The following PHLPP2 variants were observed in gnomAD, a reference collection of about 807,000 sequenced individuals.
PHLPP2 encodes the protein PH domain leucine-rich repeat-containing protein phosphatase 2.
Under a neutral mutation model 124.9 loss-of-function variants are expected in PHLPP2, and 66 were observed. The observed-to-expected ratio is 0.53, with a 90% CI of 0.43 to 0.65. The LOEUF (loss-of-function observed/expected upper bound fraction) is 0.65, where lower values mean the gene tolerates loss of function less well. Among genes scored for constraint, PHLPP2 ranks in the 30% least tolerant of loss-of-function variants. PHLPP2 has a pLI of 0.00. For missense variants in PHLPP2, 1,685 were observed against 1,600.4 expected (o/e 1.05, Z -0.90); for synonymous variants, 681 against 624.7 (o/e 1.09, Z -1.34).
chr16:71,672,430 T>C (rs952536247), intron 9 of PHLPP2, 108 bp from the exon 10 acceptor site: 3 of 785,632 alleles, frequency 3.8e-6, no homozygotes, highest in South Asian at 3.0e-5. Flanking sequence ...AAAACTGATG[T>C]ATTCTACCAA....
At chr16:71,697,496 ATT>A (rs2045184714) in intron 3 of PHLPP2, among the ~76,000 whole-genome samples, 1 of 152,180 alleles carries the variant, frequency 6.6e-6, no homozygotes, top group Non-Finnish European at 1.5e-5. Flanking sequence ...GAAAGAACAG[ATT>A]TTGATAAACA....
chr16:71,662,438 A>T (rs1264916590), intron 13 of PHLPP2, among the ~76,000 whole-genome samples: 2 of 151,786 alleles, frequency 1.3e-5, no homozygotes, highest in Non-Finnish European at 2.9e-5. Flanking sequence ...TCAAATAAAT[A>T]AATAAATAAA....
intron 11 of PHLPP2, among the ~76,000 whole-genome samples, chr16:71,668,576 A>G (rs968819809): frequency 6.6e-6 from 1 of 152,096 alleles, no homozygotes; most frequent in Non-Finnish European, 1.5e-5. Flanking sequence ...AGTGTGGCCA[A>G]TATAGCAAAG....
Position 71,676,719 on chromosome 16 carries a change from A to T in PHLPP2, c.1269-70T>A, listed in dbSNP as rs796529571. 8 of 1,161,204 alleles carry T rather than the reference A, an allele frequency of 6.9e-6. 1 individual carries two copies. In the African/African-American group the frequency reaches 1.1e-4, roughly 16 times the overall value. The allele number at this position is 1,161,204 out of a possible 1,614,324, so 71.9% of individuals were successfully genotyped here. A position where few individuals can be genotyped will look rare whatever the true frequency, so the allele number is the denominator to read the frequency against. On this transcript the variant is annotated intron_variant, in intron 8 of 18. Coordinates refer to ENST00000568954, the MANE Select transcript of PHLPP2 (RefSeq NM_015020.3). ...TAAATGTGCTTACCAGAATAAAAAT[A>T]AAAAATAGGACAGGTATGATCCCTT...
intron 3 of PHLPP2, among the ~76,000 whole-genome samples, chr16:71,701,180 C>G (rs750763677): frequency 6.6e-5 from 10 of 152,230 alleles, no homozygotes; most frequent in Non-Finnish European, 1.3e-4. Context: ...TTCTGGCCCA[C>G]AAAAACTATA....
At chr16:71,699,737 A>G (rs902633944) in intron 3 of PHLPP2, among the ~76,000 whole-genome samples, 1 of 152,220 alleles carries the variant, frequency 6.6e-6, no homozygotes, top group Admixed American at 6.5e-5. Flanking sequence ...ACCTGGTAAC[A>G]CATTGCCGTC....
chr16:71,650,948 G>A (rs930862770), intron 18 of PHLPP2, among the ~76,000 whole-genome samples: 1 of 152,138 alleles, frequency 6.6e-6, no homozygotes, highest in African/African-American at 2.4e-5. Context: ...AAATAATAAA[G>A]GTATGGTGTT....
At chr16:71,671,290 T>C (rs11075897) in intron 10 of PHLPP2, among the ~76,000 whole-genome samples, 5,682 of 152,246 alleles carry the variant, frequency 0.037, 354 homozygotes, top group African/African-American at 0.13. Flanking sequence ...TTTCTTGAGA[T>C]GACTACACGT....
In PHLPP2 at chr16:71,649,100, G is replaced by A; in HGVS notation, c.3762C>T (p.Leu1254=). The change falls in exon 19 of 19, where the codon CTC becomes CTT. Residue 1254 remains leucine, a synonymous_variant. Coordinates refer to ENST00000568954, the MANE Select transcript of PHLPP2 (RefSeq NM_015020.3). ...SIVPLEDSLN[L]IEVATEVPKR... ...TGGGCACTTCTGTGGCCACTTCAAT[G>A]AGGTTCAGGCTGTCCTCTAGGGGCA... The A allele has an allele frequency of 6.2e-7, 1 of 1,614,144 alleles. No individual in the cohort carries two copies. The highest frequency in any genetic ancestry group is 1.1e-5 in the South Asian group (1 of 91,078).
At chr16:71,698,482 G>A (rs552258903) in intron 3 of PHLPP2, 50 of 750,636 alleles carry the variant, frequency 6.7e-5, no homozygotes, top group South Asian at 5.4e-4. Context: ...AGTGCCCTGC[G>A]GCTTTCCAAA....
intron 9 of PHLPP2, 36 bp from the exon 10 acceptor site, chr16:71,672,358 CTAAAAAAGAAAG>C (rs1166098795): frequency 1.3e-6 from 2 of 1,506,646 alleles, no homozygotes; most frequent in Non-Finnish European, 1.8e-6. Flanking sequence ...GTGACATCCT[CTAAAAAAGAAAG>C]TAACTGAGAG....
At chr16:71,660,057 T>C (rs1353807452) in intron 13 of PHLPP2, among the ~76,000 whole-genome samples, 1 of 151,964 alleles carries the variant, frequency 6.6e-6, no homozygotes, top group Non-Finnish European at 1.5e-5. Flanking sequence ...AAAAATAATA[T>C]ATACTCACTG....
Position 71,649,333 on chromosome 16 carries a change from T to A in PHLPP2, c.3529A>T (p.Arg1177Trp). The A allele has an allele frequency of 6.2e-7, 1 of 1,610,714 alleles. No individual in the cohort carries two copies. Among genetic ancestry groups the A allele is most frequent in the Non-Finnish European group, 8.5e-7 (1 of 1,177,084 alleles). ...VEVDIHCCRG[R>W]DLENSPPLIE... ...AGAGGGGGTGAGTTCTCCAGATCCC[T>A]CCCCCTGCAGCAGTGGATGTCTACT... The change falls in exon 19 of 19, where the codon AGG (arginine) becomes TGG (tryptophan). Residue 1177 changes from arginine (R) to tryptophan (W), a missense_variant. Physicochemically the swap from Arg to Trp is moderately radical, Grantham distance 101. Coordinates refer to ENST00000568954, the MANE Select transcript of PHLPP2 (RefSeq NM_015020.3).
chr16:71,696,994 A>T (rs2045178372), intron 3 of PHLPP2, among the ~76,000 whole-genome samples: 1 of 151,882 alleles, frequency 6.6e-6, no homozygotes, highest in Non-Finnish European at 1.5e-5. Context: ...AACATGGTGA[A>T]ACCCCATCTC....
At chr16:71,665,180 A>T (rs1385313780) in intron 12 of PHLPP2, among the ~76,000 whole-genome samples, 1 of 152,070 alleles carries the variant, frequency 6.6e-6, no homozygotes, top group African/African-American at 2.4e-5. Flanking sequence ...GTGGCGGCAC[A>T]TGGCTGTAAT....
intron 9 of PHLPP2, 140 bp from the exon 10 acceptor site, chr16:71,672,462 A>G: frequency 1.5e-6 from 1 of 656,240 alleles, no homozygotes; most frequent in East Asian, 2.7e-5. Flanking sequence ...GACAAAAACT[A>G]CTGAAAACTC....
intron 16 of PHLPP2, 51 bp downstream of exon 16, chr16:71,656,520 T>C (rs754657901): frequency 3.8e-6 from 4 of 1,040,998 alleles, no homozygotes; most frequent in Non-Finnish European, 4.5e-6. Flanking sequence ...AGTTCTCAGA[T>C]GCCAGGGGCT....
intron 1 of PHLPP2, among the ~76,000 whole-genome samples, chr16:71,722,182 A>G (rs964779295): frequency 1.3e-5 from 2 of 152,148 alleles, no homozygotes; most frequent in African/African-American, 4.8e-5. Context: ...TTGTAATTCC[A>G]ACACTTCGGG....
intron 4 of PHLPP2, among the ~76,000 whole-genome samples, chr16:71,687,846 G>T (rs1435666034): frequency 6.6e-6 from 1 of 151,724 alleles, no homozygotes; most frequent in Non-Finnish European, 1.5e-5. Flanking sequence ...CTCTTCTCTA[G>T]AACTCCTATT....
Sources: allele counts gnomAD v4.1 joint callset (sites outside exome capture counted in the v4.1 genomes callset), GRCh38; gene constraint gnomAD v4.1.1; transcripts MANE v1.5; gene names NCBI Gene and HGNC (gene_info 2026-07-23, HGNC 2026-07-21).